ARHGAP21: variants seen among roughly 807,000 people sequenced by gnomAD.
ARHGAP21 encodes Rho GTPase activating protein 21, also known as rho GTPase-activating protein 21.
Under a neutral mutation model 164.6 loss-of-function variants are expected in ARHGAP21, and 38 were observed. The ratio of observed to expected loss-of-function variants is 0.23; its 90% CI spans 0.18 to 0.30. The LOEUF is 0.30. ARHGAP21 is among the 10% of genes least tolerant of loss of function. The probability of loss-of-function intolerance (pLI) is 1.00; values close to 1 mark genes in which losing one functional copy is unlikely to be tolerated. For synonymous variants in ARHGAP21, 766 were observed against 857.9 expected, an observed-to-expected ratio of 0.89 and a Z score of 1.87; for missense variants, 1,822 against 2,370.7, an observed-to-expected ratio of 0.77 and a Z score of 4.81.
chr10:24,709,341 T>G (rs1844548398), intron 2 of ARHGAP21, among the ~76,000 whole-genome samples: 1 of 152,012 alleles, frequency 6.6e-6, no homozygotes, highest in Non-Finnish European at 1.5e-5. Flanking sequence ...TACAAAGAAC[T>G]AAAAAGAACT....
At chr10:24,589,685 T>C (rs770883338) in intron 24 of ARHGAP21, 16 of 180,552 alleles carry the variant, frequency 8.9e-5, no homozygotes, top group Non-Finnish European at 1.7e-4. Flanking sequence ...ATACACAATG[T>C]AGAACTTTGA....
In ARHGAP21 at chr10:24,721,706, C is replaced by A. The variant is rs532880743; in HGVS notation, c.63+131G>T. ...CTCCTCGCTACTGGTTAAGCTGGGG[C>A]GCTCCCGCCAACAGGCTCAAAGCCC... is the stretch of plus-strand genomic sequence containing the variant. On this transcript the variant is annotated intron_variant, in intron 2 of 25. Coordinates refer to ENST00000396432, the MANE Select transcript of ARHGAP21 (RefSeq NM_020824.4). The A allele has an allele frequency of 2.1e-5, 21 of 980,442 alleles. No homozygotes were observed. In the East Asian group the frequency reaches 5.0e-4, roughly 23 times the overall value. The allele number at this position is 980,442 out of a possible 1,614,324, so 60.7% of individuals were successfully genotyped here.
In ARHGAP21 at chr10:24,621,125, A is replaced by T. The variant is rs775838121; in HGVS notation, c.770T>A (p.Val257Asp). 6.2e-7 allele frequency: 1 copy of T among 1,613,586 alleles called. No homozygotes were observed. Among genetic ancestry groups the T allele is most frequent in the East Asian group, 2.2e-5 (1 of 44,890 alleles). ...EIQVPPSPTD[V>D]AKSNTAVCVC... ...ACACACTGCTGTGTTTGATTTTGCA[A>T]CATCTGTTGGTGATGGAGGCACTTG... Residue 257 changes from valine (V) to aspartate (D), a missense_variant, in exon 9 of 26, where the codon GTT (valine) becomes GAT (aspartate). Around this residue, in one of 5 missense-constraint regions of ARHGAP21, gnomAD observed 1,090 missense variants for 1,378.9 expected, o/e 0.79. Transcript: ENST00000396432.
chr10:24,718,678 GTC>G (rs1845635515), intron 2 of ARHGAP21, among the ~76,000 whole-genome samples: 1 of 152,182 alleles, frequency 6.6e-6, no homozygotes, highest in Admixed American at 6.5e-5. Context: ...CCAGAAAAAT[GTC>G]TTATTGTATT....
chr10:24,719,554 A>T (rs1313004389), intron 2 of ARHGAP21, among the ~76,000 whole-genome samples: 1 of 152,202 alleles, frequency 6.6e-6, no homozygotes, highest in African/African-American at 2.4e-5. Flanking sequence ...GATTAACAGC[A>T]TTACTATTAA....
chr10:24,681,887 T>C lies in ARHGAP21; in HGVS notation c.64-11490A>G, dbSNP rs114377562. On this transcript the variant is annotated intron_variant, in intron 2 of 25. Transcript: ENST00000396432. ...TTTTTTCTTTTGTAACACTGGAAGA[T>C]GGCATGCTTGGGGGGAAGGACATGC... is the stretch of plus-strand genomic sequence containing the variant. 9.9e-3 allele frequency among the ~76,000 whole-genome samples: 1,502 copies of C among 152,238 alleles called. 21 individuals carry two copies. Among genetic ancestry groups the C allele is most frequent in the East Asian group, 0.038 (196 of 5,190 alleles).
chr10:24,609,360 G>GAAAC (rs1354092656), intron 9 of ARHGAP21, among the ~76,000 whole-genome samples: 1 of 152,154 alleles, frequency 6.6e-6, no homozygotes, highest in Non-Finnish European at 1.5e-5. Flanking sequence ...GAACATTTCT[G>GAAAC]AAACACACTG....
chr10:24,667,925 G>C (rs1332900236), intron 3 of ARHGAP21, among the ~76,000 whole-genome samples: 1 of 151,978 alleles, frequency 6.6e-6, no homozygotes, highest in South Asian at 2.1e-4. Flanking sequence ...AATTAAAATG[G>C]AAAAGATTCC....
chr10:24,669,194 A>G (rs1052951629), intron 3 of ARHGAP21, among the ~76,000 whole-genome samples: 7 of 152,032 alleles, frequency 4.6e-5, no homozygotes, highest in African/African-American at 1.7e-4. Context: ...AAAGAAAAGG[A>G]AAAAAAAGAG....
At chr10:24,646,295 G>A (rs1016521320) in intron 4 of ARHGAP21, among the ~76,000 whole-genome samples, 3 of 151,910 alleles carry the variant, frequency 2.0e-5, no homozygotes, top group Non-Finnish European at 4.4e-5. Flanking sequence ...TCAACTAGGG[G>A]GTGTCTATGA....
chr10:24,630,838 C>G (rs1035251073), intron 6 of ARHGAP21, among the ~76,000 whole-genome samples: 1 of 152,138 alleles, frequency 6.6e-6, no homozygotes, highest in African/African-American at 2.4e-5. Flanking sequence ...CTCCTGGCCT[C>G]AGAAGTGAAG....
chr10:24,711,027 G>A (rs1185448046), intron 2 of ARHGAP21, among the ~76,000 whole-genome samples: 2 of 144,170 alleles, frequency 1.4e-5, no homozygotes, highest in Non-Finnish European at 3.0e-5. Flanking sequence ...CTGAGAGGCA[G>A]AGGTTGCAGT....
At chr10:24,687,051 A>G (rs1842277603) in intron 2 of ARHGAP21, among the ~76,000 whole-genome samples, 1 of 152,118 alleles carries the variant, frequency 6.6e-6, no homozygotes, top group South Asian at 2.1e-4. Context: ...CCCCATTTCT[A>G]CAAAAAATAC....
intron 8 of ARHGAP21, among the ~76,000 whole-genome samples, chr10:24,621,696 C>T (rs1422994995): frequency 6.6e-6 from 1 of 152,202 alleles, no homozygotes; most frequent in African/African-American, 2.4e-5. Context: ...TTCTGAGTTT[C>T]AGCAGTTGAC....
chr10:24,683,869 T>C (rs773323899), intron 2 of ARHGAP21, among the ~76,000 whole-genome samples: 3 of 152,202 alleles, frequency 2.0e-5, no homozygotes, highest in African/African-American at 7.2e-5. Context: ...TTAAAAACCA[T>C]CTACTTCTCA....
At chr10:24,593,184 A>G (rs2076412470) in intron 21 of ARHGAP21, among the ~76,000 whole-genome samples, 1 of 152,226 alleles carries the variant, frequency 6.6e-6, no homozygotes, top group Non-Finnish European at 1.5e-5. Context: ...GCACACATAC[A>G]ACGACACCAT....
intron 4 of ARHGAP21, among the ~76,000 whole-genome samples, chr10:24,637,338 T>C (rs1190687786): frequency 6.6e-6 from 1 of 152,238 alleles, no homozygotes; most frequent in Admixed American, 6.5e-5. Flanking sequence ...GGTCAGTCTG[T>C]GGTCAATCTA....
In ARHGAP21 at chr10:24,620,510, C is replaced by G. The variant is rs1379180171; in HGVS notation, c.1385G>C (p.Arg462Thr). Reference sequence around the variant, plus strand: ...CTTCATTAGCACAGAATCTTCCAGTCTTTCTTGGGACACACTGCGTTGCCG... The same window carrying G: ...CTTCATTAGCACAGAATCTTCCAGTGTTTCTTGGGACACACTGCGTTGCCG... ...QIRQRSVSQE[R>T]LEDSVLMKYC... Residue 462 changes from arginine (R) to threonine (T), a missense_variant, in exon 9 of 26, where the codon AGA (arginine) becomes ACA (threonine). Arg to Thr is a moderately conservative substitution (Grantham distance 71). Around this residue, in one of 5 missense-constraint regions of ARHGAP21, gnomAD observed 1,090 missense variants for 1,378.9 expected, o/e 0.79. Coordinates refer to ENST00000396432, the MANE Select transcript of ARHGAP21 (RefSeq NM_020824.4). 6.8e-6 allele frequency: 11 copies of G among 1,611,156 alleles called. No individual in the cohort carries two copies. The highest frequency in any genetic ancestry group is 9.3e-6 in the Non-Finnish European group (11 of 1,178,274).
chr10:24,616,201 AGAT>A (rs567285018), intron 9 of ARHGAP21, among the ~76,000 whole-genome samples: 19 of 152,342 alleles, frequency 1.2e-4, no homozygotes, highest in Non-Finnish European at 2.4e-4. Context: ...AGACATATAA[AGAT>A]GATAAGTACA....
Sources: gnomAD v4.1 joint callset for allele counts (sites outside exome capture counted in the v4.1 genomes callset) on GRCh38, gnomAD v4.1.1 for gene constraint, gnomAD v4.1.1 regional missense constraint, MANE v1.5 for transcripts, NCBI Gene and HGNC (gene_info 2026-07-23, HGNC 2026-07-21) for gene names.